The following SMOC1 variants were observed in gnomAD, a reference collection of about 807,000 sequenced individuals.
The protein encoded by SMOC1 is SPARC-related modular calcium-binding protein 1.
SMOC1 carries 22 observed loss-of-function variants against 56.3 expected under a neutral mutation model. That is an observed-to-expected ratio of 0.39 (90% confidence interval 0.28 to 0.56). SMOC1 has a LOEUF of 0.56. SMOC1 is among the 20% of genes least tolerant of loss of function. The probability of loss-of-function intolerance (pLI) is 0.61; values close to 1 mark genes in which losing one functional copy is unlikely to be tolerated. For synonymous variants in SMOC1, 193 were observed against 215.0 expected (o/e 0.90, Z 0.89); for missense variants, 509 against 565.4 (o/e 0.90, Z 1.01).
chr14:69,980,111 G>A (rs1343950053), intron 5 of SMOC1, among the ~76,000 whole-genome samples: 1 of 152,148 alleles, frequency 6.6e-6, no homozygotes, highest in African/African-American at 2.4e-5. Context: ...TCAACAGTGA[G>A]CACCCTTTGT....
chr14:69,955,266 T>A (rs1883143256), intron 3 of SMOC1, among the ~76,000 whole-genome samples: 1 of 152,030 alleles, frequency 6.6e-6, no homozygotes, highest in African/African-American at 2.4e-5. Flanking sequence ...CTCTGAGGTG[T>A]GTTCTGGAAG....
In SMOC1 at chr14:70,011,442, T is replaced by C. The variant is rs762323897; in HGVS notation, c.858-43T>C. ...GCAGTAGTGACTGAAGTAGGCTCAGTTGCCAGCCCCTCCCAACCCCCCCCA... is the reference window on the plus strand; with the variant it reads ...GCAGTAGTGACTGAAGTAGGCTCAGCTGCCAGCCCCTCCCAACCCCCCCCA... On this transcript the variant is annotated intron_variant, in intron 8 of 11. Coordinates refer to ENST00000361956, the MANE Select transcript of SMOC1 (RefSeq NM_001034852.3). 3.9e-6 allele frequency: 6 copies of C among 1,526,086 alleles called. No individual in the cohort carries two copies. In the South Asian group the frequency reaches 6.7e-5, roughly 17 times the overall value. The allele number at this position is 1,526,086 out of a possible 1,614,324, so 94.5% of individuals were successfully genotyped here.
intron 5 of SMOC1, among the ~76,000 whole-genome samples, chr14:69,979,352 C>CA (rs1299238976): frequency 1.3e-5 from 2 of 152,068 alleles, no homozygotes; most frequent in Non-Finnish European, 2.9e-5. Context: ...AAACAGGGAC[C>CA]AATGGGCCAG....
At chr14:69,903,815 T>G (rs1408752882) in intron 1 of SMOC1, among the ~76,000 whole-genome samples, 1 of 151,836 alleles carries the variant, frequency 6.6e-6, no homozygotes, top group Non-Finnish European at 1.5e-5. Context: ...CTTTGTTCAC[T>G]TGTTTATCTG....
intron 6 of SMOC1, among the ~76,000 whole-genome samples, chr14:69,993,040 G>C (rs1381039281): frequency 6.6e-6 from 1 of 152,164 alleles, no homozygotes; most frequent in Non-Finnish European, 1.5e-5. Context: ...ACTTGAGCTG[G>C]ATCTTGAAAG....
rs1884379018 is a variant in SMOC1, at chr14:69,905,330, G to A, written c.99+25553G>A. Among the ~76,000 whole-genome samples the A allele has an allele frequency of 4.6e-5, 7 of 152,100 alleles. No homozygotes were observed. In the South Asian group the frequency reaches 1.5e-3, roughly 32 times the overall value. ...TGCAAAGGCATAGAAGTATGAGAAA[G>A]TATGTTCTAGAGACTGCAAGAAGTT... On this transcript the variant is annotated intron_variant, in intron 1 of 11. Transcript: ENST00000361956.
At chr14:69,973,963 G>A (rs1289265559) in intron 3 of SMOC1, among the ~76,000 whole-genome samples, 1 of 150,846 alleles carries the variant, frequency 6.6e-6, no homozygotes, top group African/African-American at 2.4e-5. Context: ...TAATATCTTT[G>A]CAGTTGGCAC....
chr14:69,961,314 A>G (rs1406571350), intron 3 of SMOC1, among the ~76,000 whole-genome samples: 1 of 124,554 alleles, frequency 8.0e-6, no homozygotes. Flanking sequence ...ATATATATAT[A>G]TATATCCTGT....
intron 3 of SMOC1, among the ~76,000 whole-genome samples, chr14:69,960,893 A>C (rs1023068269): frequency 2.0e-5 from 3 of 152,184 alleles, no homozygotes; most frequent in Non-Finnish European, 4.4e-5. Context: ...TATTCTTTAA[A>C]ATAATAACTG....
intron 7 of SMOC1, among the ~76,000 whole-genome samples, chr14:70,000,485 C>A (rs1482071540): frequency 1.3e-5 from 2 of 152,186 alleles, no homozygotes; most frequent in Non-Finnish European, 2.9e-5. Flanking sequence ...TGAAGTATTT[C>A]ATATTCTTTT....
intron 3 of SMOC1, among the ~76,000 whole-genome samples, chr14:69,962,206 A>G (rs1424940753): frequency 1.3e-5 from 2 of 152,098 alleles, no homozygotes; most frequent in South Asian, 2.1e-4. Context: ...TCTGTCACCC[A>G]GGCTGGAGTG....
rs533516333 is a variant in SMOC1, at chr14:69,914,947, A to G, written c.99+35170A>G. Among the ~76,000 whole-genome samples the G allele has an allele frequency of 1.3e-3, 194 of 151,888 alleles. 1 individual carries two copies. The highest frequency in any genetic ancestry group is 4.6e-3 in the African/African-American group (190 of 41,434). On this transcript the variant is annotated intron_variant, in intron 1 of 11. Coordinates refer to ENST00000361956, the MANE Select transcript of SMOC1 (RefSeq NM_001034852.3). ...AATTGCATGATCTTGGCTCGCTGCA[A>G]CCTCCGCCTCCTGGGTTCAAGTGAT... is the stretch of plus-strand genomic sequence containing the variant.
intron 1 of SMOC1, among the ~76,000 whole-genome samples, chr14:69,881,926 C>T (rs1323372863): frequency 6.6e-6 from 1 of 152,156 alleles, no homozygotes; most frequent in African/African-American, 2.4e-5. Flanking sequence ...CCTGAGCTTC[C>T]AGTTTATATG....
intron 1 of SMOC1, among the ~76,000 whole-genome samples, chr14:69,903,969 C>T (rs577370823): frequency 1.6e-4 from 25 of 152,156 alleles, no homozygotes; most frequent in African/African-American, 5.1e-4. Context: ...GGAGCAGAAC[C>T]GAAGTCCCCT....
At chr14:69,949,601 A>C (rs930264950) in intron 1 of SMOC1, among the ~76,000 whole-genome samples, 4 of 152,166 alleles carry the variant, frequency 2.6e-5, no homozygotes, top group Non-Finnish European at 4.4e-5. Context: ...GTCAGGGAGA[A>C]CCTCCTGGAA....
rs543304223 is a variant in SMOC1 at position 69,990,554 on chromosome 14, C to T, written c.527-1863C>T. On this transcript the variant is annotated intron_variant, in intron 5 of 11. Coordinates refer to ENST00000361956, the MANE Select transcript of SMOC1 (RefSeq NM_001034852.3). ...CACAACCAAATGTGCATTGCAGCTG[C>T]CAAAAGACTCAATTCAGTGGCTCAT... is the stretch of plus-strand genomic sequence containing the variant. Among the ~76,000 whole-genome samples the T allele has an allele frequency of 2.0e-5, 3 of 152,226 alleles. No individual in the cohort carries two copies. In the South Asian group the frequency reaches 6.2e-4, roughly 32 times the overall value.
Position 69,952,191 on chromosome 14 carries a change from A to G in SMOC1, c.153A>G (p.Gln51=). ...PQCNLHCSRT[Q]PKPICASDGR... ...GCAACCTCCACTGCTCCAGGACTCA[A>G]CCCAAACCCATCTGTGCCTCTGATG... Residue 51 remains glutamine, a synonymous_variant, in exon 2 of 12, where the codon CAA becomes CAG. Coordinates refer to ENST00000361956, the MANE Select transcript of SMOC1 (RefSeq NM_001034852.3). 6.2e-7 allele frequency: 1 copy of G among 1,614,090 alleles called. No homozygotes were observed. Among genetic ancestry groups the G allele is most frequent in the Non-Finnish European group, 8.5e-7 (1 of 1,179,998 alleles).
chr14:69,961,556 A>G (rs1343116387), intron 3 of SMOC1, among the ~76,000 whole-genome samples: 1 of 150,998 alleles, frequency 6.6e-6, no homozygotes, highest in African/African-American at 2.4e-5. Context: ...AAATTTTTGT[A>G]TTTTTGGTAG....
intron 1 of SMOC1, among the ~76,000 whole-genome samples, chr14:69,940,328 G>T (rs951108292): frequency 1.3e-5 from 2 of 152,146 alleles, no homozygotes; most frequent in Non-Finnish European, 2.9e-5. Flanking sequence ...CCCAGGGTCC[G>T]GTGGCACAGG....
Sources: allele counts gnomAD v4.1 joint callset (sites outside exome capture counted in the v4.1 genomes callset), GRCh38; gene constraint gnomAD v4.1.1; transcripts MANE v1.5; gene names NCBI Gene and HGNC (gene_info 2026-07-23, HGNC 2026-07-21).